FBXL7: variants seen among roughly 807,000 people sequenced by gnomAD.
FBXL7 encodes the protein F-box and leucine rich repeat protein 7, also known as F-box/LRR-repeat protein 7.
In FBXL7, 12 loss-of-function variants were observed where a neutral mutation model predicts 38.3. The observed-to-expected ratio is 0.31, with a 90% CI of 0.20 to 0.51. The LOEUF (loss-of-function observed/expected upper bound fraction) is 0.51, where lower values mean the gene tolerates loss of function less well. FBXL7 is among the 20% of genes least tolerant of loss of function. The pLI, the probability that FBXL7 is intolerant of heterozygous loss-of-function variation, is 0.98. For missense variants in FBXL7, 567 were observed against 676.4 expected, an observed-to-expected ratio of 0.84 and a Z score of 1.79; for synonymous variants, 297 against 300.9, an observed-to-expected ratio of 0.99 and a Z score of 0.13.
At chr5:15,520,090 C>T (rs924088249) in intron 1 of FBXL7, among the ~76,000 whole-genome samples, 5 of 152,178 alleles carry the variant, frequency 3.3e-5, no homozygotes, top group African/African-American at 7.2e-5. Flanking sequence ...ATTGCCATGG[C>T]ATTTGTAAAC....
intron 1 of FBXL7, among the ~76,000 whole-genome samples, chr5:15,506,926 T>A (rs960492526): frequency 6.6e-6 from 1 of 150,904 alleles, no homozygotes; most frequent in Admixed American, 6.7e-5. Context: ...GCACAAAGTA[T>A]AACATTATCC....
At chr5:15,810,796 T>G (rs1238911445) in intron 2 of FBXL7, among the ~76,000 whole-genome samples, 1 of 152,210 alleles carries the variant, frequency 6.6e-6, no homozygotes, top group Non-Finnish European at 1.5e-5. Flanking sequence ...ATTCTTTCTC[T>G]TCCCAACTCT....
intron 1 of FBXL7, among the ~76,000 whole-genome samples, chr5:15,565,455 A>G (rs1353947785): frequency 1.3e-5 from 2 of 151,882 alleles, no homozygotes; most frequent in African/African-American, 4.8e-5. Context: ...AAACAGAACC[A>G]ATAGGAGATG....
At chr5:15,750,392 G>A (rs765267535) in intron 2 of FBXL7, among the ~76,000 whole-genome samples, 7 of 152,196 alleles carry the variant, frequency 4.6e-5, no homozygotes, top group Non-Finnish European at 8.8e-5. Flanking sequence ...CAATGGGGAG[G>A]AGGACATGTG....
At chr5:15,594,691 C>T (rs1013531855) in intron 1 of FBXL7, among the ~76,000 whole-genome samples, 6 of 152,200 alleles carry the variant, frequency 3.9e-5, no homozygotes, top group Admixed American at 1.3e-4. Flanking sequence ...GGAAATGTTC[C>T]GGGAATCAGG....
intron 2 of FBXL7, among the ~76,000 whole-genome samples, chr5:15,667,605 T>A (rs752801463): frequency 2.0e-5 from 3 of 152,178 alleles, no homozygotes; most frequent in Non-Finnish European, 4.4e-5. Flanking sequence ...CTTTTGGCAT[T>A]ATCTGTTTTT....
intron 1 of FBXL7, among the ~76,000 whole-genome samples, chr5:15,612,194 G>T (rs1740265092): frequency 6.7e-6 from 1 of 150,356 alleles, no homozygotes; most frequent in African/African-American, 2.5e-5. Context: ...TATCTGTAGT[G>T]TTGCGATTTC....
chr5:15,539,204 G>A (rs1001653921), intron 1 of FBXL7, among the ~76,000 whole-genome samples: 4 of 152,146 alleles, frequency 2.6e-5, no homozygotes, highest in African/African-American at 9.7e-5. Flanking sequence ...ATGCCCAACA[G>A]CAAATGACTT....
chr5:15,855,413 T>C (rs1015290319), intron 2 of FBXL7, among the ~76,000 whole-genome samples: 2 of 152,160 alleles, frequency 1.3e-5, no homozygotes, highest in South Asian at 4.1e-4. Context: ...TATAGATGGA[T>C]TGAGACACAG....
rs527810678 is a variant in FBXL7, at chr5:15,735,425, C to T, written c.127+119353C>T. 1.1e-4 allele frequency among the ~76,000 whole-genome samples: 17 copies of T among 152,234 alleles called. No homozygotes were observed. In the East Asian group the frequency reaches 3.1e-3, roughly 28 times the overall value. ...CACTGGGACTTCCAGCCAATTGCTT[C>T]TAGGTGTGTAAGCAGTGATGATGGG... On this transcript the variant is annotated intron_variant, in intron 2 of 3. Transcript: ENST00000504595.
intron 1 of FBXL7, among the ~76,000 whole-genome samples, chr5:15,523,880 CA>C (rs1438628469): frequency 1.3e-5 from 2 of 152,148 alleles, no homozygotes; most frequent in African/African-American, 4.8e-5. Flanking sequence ...AGCATGTGTG[CA>C]GCTTAAACTA....
At chr5:15,725,937 T>G (rs1744337381) in intron 2 of FBXL7, among the ~76,000 whole-genome samples, 1 of 152,222 alleles carries the variant, frequency 6.6e-6, no homozygotes. Flanking sequence ...CCTGTCTGGT[T>G]GTTTTATCCA....
At chr5:15,698,208 A>C (rs141521465) in intron 2 of FBXL7, among the ~76,000 whole-genome samples, 1 of 152,214 alleles carries the variant, frequency 6.6e-6, no homozygotes, top group Non-Finnish European at 1.5e-5. Context: ...ACTGATGGCT[A>C]TACAGGATTT....
chr5:15,922,369 A>G (rs542255156), intron 2 of FBXL7, among the ~76,000 whole-genome samples: 172 of 152,216 alleles, frequency 1.1e-3, no homozygotes, highest in African/African-American at 4.0e-3. Context: ...GGAATATTTT[A>G]TCTTCAAGTA....
intron 1 of FBXL7, among the ~76,000 whole-genome samples, chr5:15,522,957 T>C (rs928945217): frequency 6.6e-6 from 1 of 152,230 alleles, no homozygotes; most frequent in Non-Finnish European, 1.5e-5. Context: ...TAATGTCCCA[T>C]ACGGTGGCAA....
chr5:15,856,504 A>C (rs1739276418), intron 2 of FBXL7, among the ~76,000 whole-genome samples: 1 of 152,076 alleles, frequency 6.6e-6, no homozygotes, highest in Non-Finnish European at 1.5e-5. Flanking sequence ...CCACAACCCA[A>C]GTTTACCTAT....
intron 2 of FBXL7, among the ~76,000 whole-genome samples, chr5:15,819,735 C>T (rs1438486675): frequency 6.6e-6 from 1 of 152,170 alleles, no homozygotes; most frequent in African/African-American, 2.4e-5. Context: ...GTTAGGACAT[C>T]TAAGCAGCCC....
chr5:15,588,228 A>G (rs1216622915), intron 1 of FBXL7, among the ~76,000 whole-genome samples: 1 of 152,182 alleles, frequency 6.6e-6, no homozygotes, highest in East Asian at 1.9e-4. Flanking sequence ...CTGAATGGTC[A>G]TGTTTTTAAC....
intron 2 of FBXL7, among the ~76,000 whole-genome samples, chr5:15,874,053 T>C (rs936875001): frequency 2.6e-5 from 4 of 152,130 alleles, no homozygotes; most frequent in African/African-American, 9.7e-5. Flanking sequence ...CAGTAGCACA[T>C]TAAAAAGCTT....
Sources: allele counts gnomAD v4.1 joint callset (sites outside exome capture counted in the v4.1 genomes callset), GRCh38; gene constraint gnomAD v4.1.1; transcripts MANE v1.5; gene names NCBI Gene and HGNC (gene_info 2026-07-23, HGNC 2026-07-21).